SCFD2: variants seen among roughly 807,000 people sequenced by gnomAD.
SCFD2 encodes sec1 family domain containing 2.
Under a neutral mutation model 58.9 loss-of-function variants are expected in SCFD2, and 54 were observed. The observed-to-expected ratio is 0.92, with a 90% CI of 0.74 to 1.15. SCFD2 has a LOEUF of 1.15. SCFD2 is among the 50% of genes most tolerant of loss of function. SCFD2 has a pLI of 0.00. For missense variants in SCFD2, 805 were observed against 836.6 expected (o/e 0.96, Z 0.47); for synonymous variants, 321 against 335.9 (o/e 0.96, Z 0.49).
At chr4:53,165,463 A>C (rs1209736927) in intron 4 of SCFD2, among the ~76,000 whole-genome samples, 2 of 152,142 alleles carry the variant, frequency 1.3e-5, no homozygotes, top group African/African-American at 4.8e-5. Flanking sequence ...GATCCATGGC[A>C]TGCAATGGAA....
intron 4 of SCFD2, among the ~76,000 whole-genome samples, chr4:53,174,872 T>C (rs1359726578): frequency 6.6e-6 from 1 of 152,214 alleles, no homozygotes; most frequent in Non-Finnish European, 1.5e-5. Context: ...TAGCATGGGA[T>C]GTTTTTGTTT....
intron 1 of SCFD2, among the ~76,000 whole-genome samples, chr4:53,364,636 A>G (rs537139661): frequency 4.0e-4 from 61 of 152,302 alleles, no homozygotes; most frequent in Admixed American, 7.8e-4. Context: ...TTGAACACTC[A>G]TTTCCTAAAC....
intron 5 of SCFD2, among the ~76,000 whole-genome samples, chr4:53,117,602 A>G (rs1219023902): frequency 2.6e-5 from 4 of 152,200 alleles, no homozygotes; most frequent in African/African-American, 9.6e-5. Context: ...CCCACCATCC[A>G]CTGCCTTTCT....
chr4:53,328,752 C>T (rs1733305172), intron 2 of SCFD2, among the ~76,000 whole-genome samples: 2 of 152,132 alleles, frequency 1.3e-5, no homozygotes, highest in Admixed American at 1.3e-4. Context: ...CCAAGATGGC[C>T]GAATAGGAAC....
At chr4:53,123,658 A>T (rs1194161168) in intron 5 of SCFD2, among the ~76,000 whole-genome samples, 2 of 151,486 alleles carry the variant, frequency 1.3e-5, no homozygotes, top group Non-Finnish European at 2.9e-5. Flanking sequence ...CAAGTACACA[A>T]CTCTCACCCC....
At chr4:52,899,161 T>C (rs1472218254) in intron 7 of SCFD2, among the ~76,000 whole-genome samples, 2 of 152,248 alleles carry the variant, frequency 1.3e-5, no homozygotes, top group Admixed American at 6.5e-5. Flanking sequence ...TTAAGGTTAG[T>C]ATTGTAATGT....
intron 6 of SCFD2, among the ~76,000 whole-genome samples, chr4:52,914,733 T>G (rs895894546): frequency 6.6e-6 from 1 of 152,226 alleles, no homozygotes; most frequent in Non-Finnish European, 1.5e-5. Flanking sequence ...AGTGATGTTT[T>G]CATATGTAAT....
intron 4 of SCFD2, among the ~76,000 whole-genome samples, chr4:53,201,350 G>A (rs1728230631): frequency 6.6e-6 from 1 of 152,124 alleles, no homozygotes; most frequent in Admixed American, 6.5e-5. Context: ...CAAAGGACAT[G>A]AACTCATCCT....
chr4:53,271,950 C>T (rs1731182424), intron 4 of SCFD2, among the ~76,000 whole-genome samples: 1 of 152,180 alleles, frequency 6.6e-6, no homozygotes, highest in African/African-American at 2.4e-5. Context: ...TTGCAATCTA[C>T]TCATCTGACA....
intron 2 of SCFD2, among the ~76,000 whole-genome samples, chr4:53,336,301 G>GA (rs1484695944): frequency 1.3e-5 from 2 of 151,990 alleles, no homozygotes; most frequent in Non-Finnish European, 2.9e-5. Flanking sequence ...AATCCTGATA[G>GA]AAAAAGAAAG....
intron 7 of SCFD2, among the ~76,000 whole-genome samples, chr4:52,888,869 T>C (rs77590765): frequency 0.038 from 5,766 of 152,248 alleles, 408 homozygotes; most frequent in African/African-American, 0.13. Flanking sequence ...TGCTCAGTCA[T>C]CTCTATTGAG....
intron 5 of SCFD2, among the ~76,000 whole-genome samples, chr4:53,004,711 G>C (rs1721935541): frequency 1.3e-5 from 2 of 152,146 alleles, no homozygotes; most frequent in African/African-American, 4.8e-5. Context: ...TGCAAATACG[G>C]TCGGAGGCAT....
chr4:53,169,931 C>T (rs1424388742), intron 4 of SCFD2, among the ~76,000 whole-genome samples: 6 of 152,126 alleles, frequency 3.9e-5, no homozygotes, highest in Admixed American at 3.9e-4. Context: ...CTGGATATTA[C>T]AGATGTATCC....
At chr4:53,340,305 G>T (rs1560455998) in intron 2 of SCFD2, among the ~76,000 whole-genome samples, 1 of 152,206 alleles carries the variant, frequency 6.6e-6, no homozygotes, top group Non-Finnish European at 1.5e-5. Flanking sequence ...GGCACACCAG[G>T]AGATAACATC....
chr4:53,162,713 T>G (rs1317931209), intron 4 of SCFD2, among the ~76,000 whole-genome samples: 33 of 136,354 alleles, frequency 2.4e-4, no homozygotes, highest in South Asian at 7.1e-4. Context: ...GTGGGGGGAG[T>G]GGGGAGGGAT....
At chr4:53,225,267 A>G (rs1729169456) in intron 4 of SCFD2, among the ~76,000 whole-genome samples, 1 of 152,160 alleles carries the variant, frequency 6.6e-6, no homozygotes, top group Non-Finnish European at 1.5e-5. Context: ...AGCTCTACCC[A>G]ACACTAATTA....
intron 3 of SCFD2, among the ~76,000 whole-genome samples, chr4:53,290,161 C>T (rs1245595546): frequency 1.3e-5 from 2 of 152,082 alleles, no homozygotes; most frequent in Non-Finnish European, 2.9e-5. Flanking sequence ...CATCTAACAG[C>T]AACAGAATAA....
intron 4 of SCFD2, among the ~76,000 whole-genome samples, chr4:53,271,262 C>A (rs557931114): frequency 6.6e-6 from 1 of 151,650 alleles, no homozygotes; most frequent in Non-Finnish European, 1.5e-5. Context: ...AGGGTATTCA[C>A]TGCATAATTT....
chr4:53,335,159 G>A (rs765246326), intron 2 of SCFD2, among the ~76,000 whole-genome samples: 8 of 120,460 alleles, frequency 6.6e-5, no homozygotes, highest in Admixed American at 5.0e-4. Flanking sequence ...TCATGCCACT[G>A]CATACCAGCC....
Sources: gnomAD v4.1 joint callset for allele counts (sites outside exome capture counted in the v4.1 genomes callset) on GRCh38, gnomAD v4.1.1 for gene constraint, MANE v1.5 for transcripts, NCBI Gene and HGNC (gene_info 2026-07-23, HGNC 2026-07-21) for gene names.